Variants in CTNND2 observed in about 807,000 individuals in gnomAD.
The protein encoded by CTNND2 is catenin delta 2.
A neutral mutation model predicts 144.4 loss-of-function variants in CTNND2; 22 were observed. The observed-to-expected ratio is 0.15, with a 90% CI of 0.11 to 0.22. CTNND2 has a LOEUF of 0.22. Among genes scored for constraint, CTNND2 ranks in the 10% least tolerant of loss-of-function variants. The pLI, the probability that CTNND2 is intolerant of heterozygous loss-of-function variation, is 1.00. For missense variants in CTNND2, 1,353 were observed against 1,618.8 expected, an observed-to-expected ratio of 0.84 and a Z score of 2.82; for synonymous variants, 751 against 695.6, an observed-to-expected ratio of 1.08 and a Z score of -1.25.
chr5:11,646,610 C>G (rs1412488345), intron 2 of CTNND2, among the ~76,000 whole-genome samples: 4 of 145,972 alleles, frequency 2.7e-5, no homozygotes, highest in African/African-American at 1.1e-4. Context: ...ATGGAAAAGT[C>G]CTGGCTTCCT....
intron 9 of CTNND2, among the ~76,000 whole-genome samples, chr5:11,304,618 G>T (rs1035615007): frequency 1.3e-5 from 2 of 152,116 alleles, no homozygotes; most frequent in Admixed American, 6.5e-5. Context: ...GTGGTGGGAG[G>T]GATTTTGTTC....
chr5:11,453,222 A>G (rs1765444428), intron 3 of CTNND2, among the ~76,000 whole-genome samples: 1 of 152,206 alleles, frequency 6.6e-6, no homozygotes, highest in African/African-American at 2.4e-5. Flanking sequence ...AGACACAACT[A>G]TTCTATTAAT....
In CTNND2 at chr5:11,694,427, CAAAAAAAA is replaced by C. The variant is rs367663248; in HGVS notation, c.174+37701_174+37708del. On this transcript the variant is annotated intron_variant, in intron 2 of 21. Coordinates refer to ENST00000304623, the MANE Select transcript of CTNND2 (RefSeq NM_001332.4). ...CTCCAGCCTGGGTGACAGAGTCTCT[CAAAAAAAA>C]AAAAGAAAAAAAGAAAATGAAAAAA... 4.9e-3 allele frequency among the ~76,000 whole-genome samples: 506 copies of C among 102,878 alleles called. 4 individuals are homozygous for C. The highest frequency in any genetic ancestry group is 0.018 in the African/African-American group (492 of 27,870). 67.5% of individuals were successfully genotyped at this position (102,878 alleles called of 152,430 possible). A position where few individuals can be genotyped will look rare whatever the true frequency, so the allele number is the denominator to read the frequency against.
chr5:11,704,572 G>A (rs565450742), intron 2 of CTNND2, among the ~76,000 whole-genome samples: 1 of 152,086 alleles, frequency 6.6e-6, no homozygotes, highest in Non-Finnish European at 1.5e-5. Flanking sequence ...GCAAACATTA[G>A]TTGAGGCCAC....
chr5:11,649,680 G>A (rs1050922193), intron 2 of CTNND2, among the ~76,000 whole-genome samples: 2 of 152,140 alleles, frequency 1.3e-5, no homozygotes, highest in Non-Finnish European at 2.9e-5. Context: ...AATTTGGGGG[G>A]AACTGACACT....
chr5:11,817,590 T>C (rs1456432407), intron 1 of CTNND2, among the ~76,000 whole-genome samples: 2 of 151,876 alleles, frequency 1.3e-5, no homozygotes, highest in Non-Finnish European at 2.9e-5. Context: ...AGGGGACAGC[T>C]TTGCGGGGCA....
At chr5:11,190,714 G>T (rs1221607385) in intron 11 of CTNND2, among the ~76,000 whole-genome samples, 1 of 152,194 alleles carries the variant, frequency 6.6e-6, no homozygotes, top group Non-Finnish European at 1.5e-5. Context: ...TATCTATGGT[G>T]CTTTCATCCA....
chr5:11,259,478 A>G (rs561032058), intron 9 of CTNND2, among the ~76,000 whole-genome samples: 1 of 152,318 alleles, frequency 6.6e-6, no homozygotes, highest in South Asian at 2.1e-4. Context: ...CCATTACATG[A>G]TGCAGCCCAC....
At chr5:11,426,878 C>T (rs1762828014) in intron 3 of CTNND2, among the ~76,000 whole-genome samples, 2 of 152,176 alleles carry the variant, frequency 1.3e-5, no homozygotes, top group Non-Finnish European at 2.9e-5. Flanking sequence ...TGCTTTAATT[C>T]ATTTCTAACT....
intron 2 of CTNND2, among the ~76,000 whole-genome samples, chr5:11,626,700 A>G (rs1038282626): frequency 1.3e-5 from 2 of 152,206 alleles, no homozygotes; most frequent in African/African-American, 4.8e-5. Flanking sequence ...AAGCTATGAC[A>G]CTGCACATCA....
Position 11,844,169 on chromosome 5 carries a change from TTAAC to T in CTNND2, c.37+59644_37+59647del, listed in dbSNP as rs1794625236. 2.0e-5 allele frequency among the ~76,000 whole-genome samples: 3 copies of T among 152,288 alleles called. No individual in the cohort carries two copies. In the East Asian group the frequency reaches 5.8e-4, roughly 29 times the overall value. On this transcript the variant is annotated intron_variant, in intron 1 of 21. Transcript: ENST00000304623. ...ATAGAAGGGAAAAATCACTTCCCAT[TTAAC>T]TAACTAAAGCCCATGCATATTTATT... is the stretch of plus-strand genomic sequence containing the variant.
chr5:11,829,367 C>T lies in CTNND2; in HGVS notation c.37+74450G>A, dbSNP rs530288815. ...GCAACCAGCCACTCCCATCACAGGCCAGGAGGTCTAGGAGGAAAAAGTGGT... is the reference window on the plus strand; with the variant it reads ...GCAACCAGCCACTCCCATCACAGGCTAGGAGGTCTAGGAGGAAAAAGTGGT... On this transcript the variant is annotated intron_variant, in intron 1 of 21. Coordinates refer to ENST00000304623, the MANE Select transcript of CTNND2 (RefSeq NM_001332.4). Among the ~76,000 whole-genome samples the T allele has an allele frequency of 2.5e-4, 38 of 152,220 alleles. 1 individual carries two copies. Among genetic ancestry groups the T allele is most frequent in the Admixed American group, 1.6e-3 (25 of 15,292 alleles).
chr5:11,698,099 G>T (rs538409601), intron 2 of CTNND2, among the ~76,000 whole-genome samples: 81 of 152,190 alleles, frequency 5.3e-4, no homozygotes, highest in African/African-American at 1.8e-3. Flanking sequence ...ACTAGGTGGG[G>T]TCCATTGAAG....
At chr5:11,261,333 G>T (rs1261325134) in intron 9 of CTNND2, among the ~76,000 whole-genome samples, 1 of 152,096 alleles carries the variant, frequency 6.6e-6, no homozygotes, top group Non-Finnish European at 1.5e-5. Context: ...TATATTCTGG[G>T]AGTTCCTTCC....
intron 3 of CTNND2, among the ~76,000 whole-genome samples, chr5:11,554,906 C>A (rs1368690202): frequency 7.8e-6 from 1 of 128,980 alleles, no homozygotes; most frequent in Non-Finnish European, 1.8e-5. Flanking sequence ...CTGTATAAAT[C>A]AATTATATAT....
chr5:11,243,750 A>G (rs1580693541), intron 9 of CTNND2, among the ~76,000 whole-genome samples: 2 of 152,342 alleles, frequency 1.3e-5, no homozygotes, highest in South Asian at 2.1e-4. Flanking sequence ...ACTATGTTCA[A>G]CAGTTCATGA....
At chr5:11,632,449 C>T (rs1279197772) in intron 2 of CTNND2, among the ~76,000 whole-genome samples, 4 of 152,120 alleles carry the variant, frequency 2.6e-5, no homozygotes, top group African/African-American at 7.2e-5. Context: ...CTATTCCAGT[C>T]AAGTTACCAA....
Position 11,003,942 on chromosome 5 carries a change from A to G in CTNND2, c.3085-11265T>C, listed in dbSNP as rs147141620. Among the ~76,000 whole-genome samples the G allele has an allele frequency of 9.2e-5, 14 of 152,348 alleles. No homozygotes were observed. In the East Asian group the frequency reaches 2.7e-3, roughly 29 times the overall value. ...AAGCATAAGGATCTTGTGCAACACCATCTTTTAAAAGCAAATACTGTGTAA... is the reference window on the plus strand; with the variant it reads ...AAGCATAAGGATCTTGTGCAACACCGTCTTTTAAAAGCAAATACTGTGTAA... On this transcript the variant is annotated intron_variant, in intron 18 of 21. Coordinates refer to ENST00000304623, the MANE Select transcript of CTNND2 (RefSeq NM_001332.4).
chr5:11,282,817 C>T (rs192854857), intron 9 of CTNND2, among the ~76,000 whole-genome samples: 8 of 152,148 alleles, frequency 5.3e-5, no homozygotes, highest in Admixed American at 6.6e-5. Flanking sequence ...ACAGGTTTAA[C>T]GGCAACAATC....
Sources: gnomAD v4.1 joint callset for allele counts (sites outside exome capture counted in the v4.1 genomes callset) on GRCh38, gnomAD v4.1.1 for gene constraint, MANE v1.5 for transcripts, NCBI Gene and HGNC (gene_info 2026-07-23, HGNC 2026-07-21) for gene names.